HMG20A: variants seen among roughly 807,000 people sequenced by gnomAD.
HMG20A encodes the protein high mobility group protein 20A.
HMG20A carries 17 observed loss-of-function variants against 43.9 expected under a neutral mutation model. That is an observed-to-expected ratio of 0.39 (90% CI 0.27 to 0.58). HMG20A has a LOEUF of 0.58. Among genes scored for constraint, HMG20A ranks in the 20% least tolerant of loss-of-function variants. The pLI is 0.59. For missense variants in HMG20A, 341 were observed against 438.2 expected (o/e 0.78, Z 1.98); for synonymous variants, 132 against 147.5 (o/e 0.89, Z 0.76).
chr15:77,513,251 G>T, the HMG20A span, among the ~76,000 whole-genome samples: 1 of 152,182 alleles, frequency 6.6e-6, no homozygotes, highest in African/African-American at 2.4e-5. Context: ...TTGGGAGAGT[G>T]TATCTGCTTA....
At chr15:77,510,152 A>G in the HMG20A span, among the ~76,000 whole-genome samples, 3 of 152,120 alleles carry the variant, frequency 2.0e-5, no homozygotes, top group South Asian at 2.1e-4. Flanking sequence ...GTGACCCTAG[A>G]TAGTCTTTGA....
chr15:77,428,504 G>A (rs539154785), intron 1 of HMG20A, among the ~76,000 whole-genome samples: 49 of 152,258 alleles, frequency 3.2e-4, no homozygotes, highest in African/African-American at 1.2e-3. Flanking sequence ...CAGCAAAAAA[G>A]GAGAGATTCC....
chr15:77,478,233 A>G, intron 7 of HMG20A, 62 bp from the exon 8 acceptor site: 1 of 1,547,372 alleles, frequency 6.5e-7, no homozygotes, highest in Non-Finnish European at 8.9e-7. Context: ...TGTAAGAGTC[A>G]TTGGGACTCC....
intron 1 of HMG20A, among the ~76,000 whole-genome samples, chr15:77,425,702 C>A (rs1481040496): frequency 6.6e-6 from 1 of 152,108 alleles, no homozygotes; most frequent in Admixed American, 6.5e-5. Flanking sequence ...GTGAGAGATA[C>A]CCTCTGCTAC....
At chr15:77,451,906 G>T (rs977139724) in intron 1 of HMG20A, among the ~76,000 whole-genome samples, 2 of 152,142 alleles carry the variant, frequency 1.3e-5, no homozygotes, top group African/African-American at 2.4e-5. Context: ...TTCCAATACA[G>T]AATATACATC....
chr15:77,510,730 G>A, the HMG20A span, among the ~76,000 whole-genome samples: 3 of 152,218 alleles, frequency 2.0e-5, no homozygotes, highest in African/African-American at 7.2e-5. Context: ...GAGTGTGGAG[G>A]CTGAGCAGAC....
At chr15:77,443,376 GATGATT>G (rs1466955795) in intron 1 of HMG20A, among the ~76,000 whole-genome samples, 78 of 121,228 alleles carry the variant, frequency 6.4e-4, no homozygotes, top group African/African-American at 1.9e-3. Flanking sequence ...TGATGATGAT[GATGATT>G]ATTATTATTA....
Position 77,471,773 on chromosome 15 carries a change from A to G in HMG20A, c.584-10A>G. ...AAATGTAATGTTCTCTTATTCTTTT[A>G]TATTTTTAGATGCAGCCCGGCAGGC... On this transcript the variant is annotated splice_polypyrimidine_tract_variant and intron_variant, in intron 5 of 9. Coordinates refer to ENST00000336216, the MANE Select transcript of HMG20A (RefSeq NM_001304504.2). The G allele has an allele frequency of 6.4e-7, 1 of 1,566,918 alleles. No individual in the cohort carries two copies. Among genetic ancestry groups the G allele is most frequent in the South Asian group, 1.1e-5 (1 of 88,702 alleles).
rs533629663 is a variant in HMG20A, at chr15:77,420,981, C to T, written c.-28C>T. 2.4e-4 allele frequency: 95 copies of T among 398,740 alleles called. No homozygotes were observed. Among genetic ancestry groups the T allele is most frequent in the African/African-American group, 1.8e-3 (88 of 48,768 alleles). The allele number at this position is 398,740 out of a possible 1,614,324, so 24.7% of individuals were successfully genotyped here. A position where few individuals can be genotyped will look rare whatever the true frequency, so the allele number is the denominator to read the frequency against. On this transcript the variant is annotated 5_prime_UTR_variant, in exon 1 of 10. Coordinates refer to ENST00000336216, the MANE Select transcript of HMG20A (RefSeq NM_001304504.2). The stretch of plus-strand genomic sequence containing the variant: ...AGGGACTTTCTTTTGGCCCTAGGCC[C>T]CTTCCTGCCCCTGTCGTCAGCAGGT...
intron 7 of HMG20A, 116 bp downstream of exon 7, chr15:77,477,746 A>G: frequency 1.5e-6 from 1 of 649,882 alleles, no homozygotes; most frequent in South Asian, 2.0e-5. Context: ...GGACTACTCA[A>G]AGACCAGTGA....
intron 1 of HMG20A, among the ~76,000 whole-genome samples, chr15:77,454,260 G>A (rs1036919843): frequency 2.6e-5 from 4 of 151,922 alleles, no homozygotes; most frequent in Non-Finnish European, 4.4e-5. Context: ...AGGATATTGT[G>A]TTTCTTTTTG....
chr15:77,456,380 T>C (rs2072654343), intron 1 of HMG20A, among the ~76,000 whole-genome samples: 2 of 152,088 alleles, frequency 1.3e-5, no homozygotes, highest in Admixed American at 6.6e-5. Flanking sequence ...AGGGATACTT[T>C]TAGAAAGAAG....
At chr15:77,471,163 A>G (rs1007514939) in intron 5 of HMG20A, 121 bp downstream of exon 5, 1 of 931,826 alleles carries the variant, frequency 1.1e-6, no homozygotes, top group Admixed American at 3.0e-5. Flanking sequence ...ACTATCCAGT[A>G]TTCACTTACA....
At chr15:77,506,038 A>G in the HMG20A span, among the ~76,000 whole-genome samples, 2 of 143,608 alleles carry the variant, frequency 1.4e-5, no homozygotes, top group African/African-American at 5.2e-5. Flanking sequence ...CCCATGTAGG[A>G]TTTCTACCCC....
At chr15:77,489,285 A>G (rs2072960383), downstream of HMG20A, among the ~76,000 whole-genome samples, 1 of 152,216 alleles carries the variant, frequency 6.6e-6, no homozygotes, top group Admixed American at 6.5e-5. Flanking sequence ...GGACTACTGT[A>G]CTCATTTTTA....
chr15:77,477,200 T>G (rs891941215), intron 6 of HMG20A, among the ~76,000 whole-genome samples: 1 of 152,212 alleles, frequency 6.6e-6, no homozygotes, highest in South Asian at 2.1e-4. Flanking sequence ...AAAAAACTAC[T>G]CTTTCTCAAT....
At chr15:77,481,501 A>G (rs2142365699) in intron 9 of HMG20A, among the ~76,000 whole-genome samples, 1 of 152,368 alleles carries the variant, frequency 6.6e-6, no homozygotes, top group African/African-American at 2.4e-5. Flanking sequence ...GTCTCTTCAC[A>G]TAGATACAGG....
chr15:77,492,340 A>G, the HMG20A span, among the ~76,000 whole-genome samples: 1 of 152,192 alleles, frequency 6.6e-6, no homozygotes, highest in Non-Finnish European at 1.5e-5. Context: ...GGTCCTGCCA[A>G]TACTACTGGG....
At chr15:77,461,627 G>A (rs1346310802) in intron 2 of HMG20A, among the ~76,000 whole-genome samples, 1 of 152,104 alleles carries the variant, frequency 6.6e-6, no homozygotes, top group Non-Finnish European at 1.5e-5. Context: ...CATCAAGAAG[G>A]CATGTGATGC....
Sources: gnomAD v4.1 joint callset for allele counts (sites outside exome capture counted in the v4.1 genomes callset) on GRCh38, gnomAD v4.1.1 for gene constraint, MANE v1.5 for transcripts, NCBI Gene and HGNC (gene_info 2026-07-23, HGNC 2026-07-21) for gene names.